Variants in CPNE9 observed in about 807,000 individuals in gnomAD.
The protein encoded by CPNE9 is copine family member 9, also known as copine-9.
Under a neutral mutation model 83.0 loss-of-function variants are expected in CPNE9, and 59 were observed. The ratio of observed to expected loss-of-function variants is 0.71; its 90% CI spans 0.58 to 0.88. The LOEUF is 0.88. Among genes scored for constraint, CPNE9 ranks in the 40% least tolerant of loss-of-function variants. The probability of loss-of-function intolerance (pLI) is 0.00; values close to 1 mark genes in which losing one functional copy is unlikely to be tolerated. For synonymous variants in CPNE9, 256 were observed against 273.4 expected (o/e 0.94, Z 0.63); for missense variants, 619 against 720.8 (o/e 0.86, Z 1.62).
intron 17 of CPNE9, among the ~76,000 whole-genome samples, chr3:9,725,735 ATATATATG>A (rs1167089687): frequency 9.7e-6 from 1 of 103,050 alleles, no homozygotes; most frequent in Non-Finnish European, 2.0e-5. Context: ...TATATATTTC[ATATATATG>A]TATATATGTG....
intron 7 of CPNE9, among the ~76,000 whole-genome samples, chr3:9,711,564 CAA>C (rs970210547): frequency 1.3e-5 from 2 of 152,126 alleles, no homozygotes; most frequent in South Asian, 2.1e-4. Context: ...TTGCAAAGCA[CAA>C]AGAGTCAAAG....
Position 9,712,847 on chromosome 3 carries a change from G to A in CPNE9, c.545+19G>A. On this transcript the variant is annotated intron_variant, in intron 9 of 20. Transcript: ENST00000383832. ...ATGGCACGTGAGTCACTGCCATCAG[G>A]GCTGTTAGGCTGGGGTGGGCCATGT... 6.2e-7 allele frequency: 1 copy of A among 1,605,058 alleles called. No individual in the cohort carries two copies. Among genetic ancestry groups the A allele is most frequent in the Non-Finnish European group, 8.5e-7 (1 of 1,171,992 alleles).
intron 14 of CPNE9, among the ~76,000 whole-genome samples, chr3:9,716,788 C>G (rs990714384): frequency 6.6e-6 from 1 of 152,210 alleles, no homozygotes; most frequent in African/African-American, 2.4e-5. Flanking sequence ...ATATTAATCA[C>G]TACTTCAGGG....
intron 10 of CPNE9, among the ~76,000 whole-genome samples, chr3:9,714,685 A>G (rs2076663510): frequency 6.6e-6 from 1 of 150,600 alleles, no homozygotes. Context: ...AAACAAACAA[A>G]AAAAGTATTA....
intron 7 of CPNE9, among the ~76,000 whole-genome samples, chr3:9,708,248 G>A (rs911628008): frequency 3.3e-5 from 5 of 152,172 alleles, no homozygotes; most frequent in South Asian, 2.1e-4. Context: ...CACTGAGCCC[G>A]GCCTTAGATG....
At chr3:9,705,761 T>C (rs777722337) in intron 6 of CPNE9, 41 bp downstream of exon 6, 10 of 1,602,044 alleles carry the variant, frequency 6.2e-6, no homozygotes, top group Non-Finnish European at 7.7e-6. Flanking sequence ...GGGGTGGGGG[T>C]GGTATTGTGG....
intron 16 of CPNE9, 97 bp downstream of exon 16, chr3:9,718,307 G>C: frequency 7.1e-7 from 1 of 1,404,414 alleles, no homozygotes; most frequent in Non-Finnish European, 9.7e-7. Context: ...AGGGCATGTA[G>C]AGGAACAGGA....
At position 9,704,875 on chromosome 3, in the gene CPNE9, C is replaced by G; in HGVS notation, c.157-16C>G. ...CGTCTGCACGTCCCACGCTGACCCT[C>G]CACCCCCCTACCCAGTTCGGACGGA... On this transcript the variant is annotated splice_polypyrimidine_tract_variant and intron_variant, in intron 3 of 20. Coordinates refer to ENST00000383832, the MANE Select transcript of CPNE9 (RefSeq NM_153635.3). The surrounding 1 kb of genome is among the most constrained non-coding windows in gnomAD (Gnocchi z 7.1). 1 of 1,608,980 alleles carries G rather than the reference C, an allele frequency of 6.2e-7. No individual in the cohort carries two copies. Among genetic ancestry groups the G allele is most frequent in the Non-Finnish European group, 8.5e-7 (1 of 1,176,610 alleles).
intron 4 of CPNE9, 145 bp downstream of exon 4, chr3:9,705,139 G>A (rs936620335): frequency 1.4e-6 from 1 of 690,096 alleles, no homozygotes; most frequent in Non-Finnish European, 2.6e-6. Flanking sequence ...TCTAGCCTGA[G>A]CCCTGCCCTT....
At chr3:9,708,084 C>G (rs1227776799) in intron 7 of CPNE9, among the ~76,000 whole-genome samples, 1 of 152,208 alleles carries the variant, frequency 6.6e-6, no homozygotes, top group Non-Finnish European at 1.5e-5. Flanking sequence ...GTAGCTGGAA[C>G]TACAAGTGGA....
intron 14 of CPNE9, 59 bp from the exon 15 acceptor site, chr3:9,716,999 A>C (rs1331001502): frequency 1.3e-6 from 2 of 1,552,022 alleles, no homozygotes; most frequent in Non-Finnish European, 1.8e-6. Flanking sequence ...ACTGTTTGAG[A>C]AATAGTGATG....
At chr3:9,727,480 G>A in intron 20 of CPNE9, 1 of 707,474 alleles carries the variant, frequency 1.4e-6, no homozygotes, top group Non-Finnish European at 2.6e-6. Flanking sequence ...AAGTACTCCA[G>A]AGGAATAGCA....
intron 13 of CPNE9, 129 bp downstream of exon 13, chr3:9,715,655 A>T: frequency 1.3e-6 from 1 of 779,442 alleles, no homozygotes; most frequent in Non-Finnish European, 2.1e-6. Context: ...AATATTGGGC[A>T]CAAGGAGCAC....
intron 20 of CPNE9, among the ~76,000 whole-genome samples, chr3:9,728,687 T>C (rs569669136): frequency 5.9e-5 from 9 of 152,222 alleles, no homozygotes; most frequent in Non-Finnish European, 1.2e-4. Flanking sequence ...CATGGATGGA[T>C]ATATACATTT....
At chr3:9,713,259 G>C (rs1021722220) in intron 10 of CPNE9, among the ~76,000 whole-genome samples, 180 bp downstream of exon 10, 6 of 152,248 alleles carry the variant, frequency 3.9e-5, no homozygotes, top group African/African-American at 1.2e-4. Flanking sequence ...AGATGGATAG[G>C]TGGACTATCC....
At chr3:9,723,481 A>G (rs114567488) in intron 17 of CPNE9, among the ~76,000 whole-genome samples, 2,086 of 152,210 alleles carry the variant, frequency 0.014, 36 homozygotes, top group African/African-American at 0.047. Context: ...CAAAAAAAAA[A>G]AGAAAAAAAC....
In CPNE9 at chr3:9,715,372, T is replaced by C. The variant is rs1245582249; in HGVS notation, c.768+8T>C. 1 of 1,614,210 alleles carries C rather than the reference T, an allele frequency of 6.2e-7. No homozygotes were observed. The highest frequency in any genetic ancestry group is 8.5e-7 in the Non-Finnish European group (1 of 1,180,014). ...CAGTTCACAGTATATGAGGTGAGCA[T>C]TCCAGCCCTGCCCAGGTCACCCAGG... is the stretch of plus-strand genomic sequence containing the variant. On this transcript the variant is annotated splice_region_variant and intron_variant, in intron 12 of 20. Coordinates refer to ENST00000383832, the MANE Select transcript of CPNE9 (RefSeq NM_153635.3).
At position 9,705,779 on chromosome 3, in the gene CPNE9, G is replaced by T. The variant is rs1037625832; in HGVS notation, c.300+59G>T. On this transcript the variant is annotated intron_variant, in intron 6 of 20. Transcript: ENST00000383832. The stretch of plus-strand genomic sequence containing the variant: ...GTGGGGGTGGTATTGTGGAGAACAG[G>T]CTTGGACTGATGACCCACTACAAGG... 1.3e-5 allele frequency: 20 copies of T among 1,577,316 alleles called. No individual in the cohort carries two copies. The East Asian group carries it at 4.5e-4, about 35-fold the overall frequency.
At chr3:9,725,592 ATATGTG>A (rs1359933910) in intron 17 of CPNE9, among the ~76,000 whole-genome samples, 2 of 150,288 alleles carry the variant, frequency 1.3e-5, no homozygotes, top group African/African-American at 4.9e-5. Flanking sequence ...ATGTGTATAT[ATATGTG>A]TATATGTATG....
Sources: allele counts gnomAD v4.1 joint callset (sites outside exome capture counted in the v4.1 genomes callset), GRCh38; gene constraint gnomAD v4.1.1; non-coding constraint Gnocchi (gnomAD v3.1); transcripts MANE v1.5; gene names NCBI Gene and HGNC (gene_info 2026-07-23, HGNC 2026-07-21).